EGFLAM: variants seen among roughly 807,000 people sequenced by gnomAD.
The protein encoded by EGFLAM is EGF like, fibronectin type III and laminin G domains.
In EGFLAM, 79 loss-of-function variants were observed where a neutral mutation model predicts 113.1. The ratio of observed to expected loss-of-function variants is 0.70; its 90% CI spans 0.58 to 0.84. The LOEUF is 0.84. EGFLAM is among the 40% of genes least tolerant of loss of function. The pLI is 0.00. For synonymous variants in EGFLAM, 504 were observed against 487.6 expected (o/e 1.03, Z -0.44); for missense variants, 1,265 against 1,291.6 (o/e 0.98, Z 0.32).
At chr5:38,327,617 A>AT (rs1184763420) in intron 1 of EGFLAM, among the ~76,000 whole-genome samples, 2 of 152,060 alleles carry the variant, frequency 1.3e-5, no homozygotes, top group East Asian at 3.9e-4. Flanking sequence ...TTTTTAATAG[A>AT]TTTTTTATTT....
chr5:38,433,038 G>A (rs924694116), intron 15 of EGFLAM, among the ~76,000 whole-genome samples: 1 of 152,220 alleles, frequency 6.6e-6, no homozygotes, highest in Non-Finnish European at 1.5e-5. Flanking sequence ...TGAGTCCACT[G>A]TGAACCAGGA....
intron 1 of EGFLAM, among the ~76,000 whole-genome samples, chr5:38,270,124 A>C (rs952315222): frequency 1.3e-5 from 2 of 152,244 alleles, no homozygotes; most frequent in East Asian, 3.9e-4. Flanking sequence ...GACAGCTTTC[A>C]GTCATGCTCC....
chr5:38,406,787 C>T, intron 7 of EGFLAM, 41 bp from the exon 8 acceptor site: 2 of 1,568,720 alleles, frequency 1.3e-6, no homozygotes, highest in African/African-American at 1.4e-5. Flanking sequence ...AATTGCCATG[C>T]TCTGTGTTCA....
chr5:38,325,892 TA>T (rs891962148), intron 1 of EGFLAM, among the ~76,000 whole-genome samples: 76 of 152,120 alleles, frequency 5.0e-4, no homozygotes, highest in African/African-American at 1.8e-3. Context: ...TATTTTCTTT[TA>T]AAAAAATACC....
chr5:38,431,603 G>A (rs918818828), intron 15 of EGFLAM, among the ~76,000 whole-genome samples: 1 of 152,138 alleles, frequency 6.6e-6, no homozygotes, highest in East Asian at 1.9e-4. Context: ...GCTACAGCAA[G>A]TAGTAGGTAA....
intron 18 of EGFLAM, among the ~76,000 whole-genome samples, chr5:38,450,406 C>T (rs2561806): frequency 0.03 from 4,643 of 152,292 alleles, 245 homozygotes; most frequent in African/African-American, 0.11. Context: ...GATAATAGTT[C>T]CCTCCACTGT....
In EGFLAM at chr5:38,381,367, A is replaced by G. The variant is rs545917714; in HGVS notation, c.712+10905A>G. 1.5e-4 allele frequency among the ~76,000 whole-genome samples: 23 copies of G among 152,192 alleles called. 1 individual carries two copies. Among genetic ancestry groups the G allele is most frequent in the Admixed American group, 1.0e-3 (16 of 15,286 alleles). On this transcript the variant is annotated intron_variant, in intron 6 of 21. Transcript: ENST00000322350. ...TGTGAAATCAGCTTAACACAGACACATAGGAGGGACGCGGTGCATGCTGGC... is the reference window on the plus strand; with the variant it reads ...TGTGAAATCAGCTTAACACAGACACGTAGGAGGGACGCGGTGCATGCTGGC...
intron 11 of EGFLAM, among the ~76,000 whole-genome samples, chr5:38,413,068 C>CTGGA (rs985112078): frequency 3.9e-5 from 6 of 152,088 alleles, no homozygotes; most frequent in Non-Finnish European, 7.4e-5. Flanking sequence ...GTCCCCCAGG[C>CTGGA]TGGAGTACAG....
intron 1 of EGFLAM, among the ~76,000 whole-genome samples, chr5:38,322,336 C>A (rs1039073557): frequency 1.3e-5 from 2 of 152,150 alleles, no homozygotes; most frequent in Non-Finnish European, 2.9e-5. Context: ...GTCATGAGTA[C>A]CCAAGGAGTG....
At chr5:38,434,456 T>C (rs1480031604) in intron 15 of EGFLAM, among the ~76,000 whole-genome samples, 1 of 152,374 alleles carries the variant, frequency 6.6e-6, no homozygotes, top group East Asian at 1.9e-4. Context: ...CTGGGGCATA[T>C]TGTAGTATGT....
chr5:38,435,290 C>A, intron 16 of EGFLAM, 37 bp downstream of exon 16: 1 of 1,441,294 alleles, frequency 6.9e-7, no homozygotes, highest in South Asian at 1.1e-5. Flanking sequence ...CTGGGCCACC[C>A]AGACTGTAGA....
chr5:38,265,801 A>G (rs572161259), intron 1 of EGFLAM, among the ~76,000 whole-genome samples: 1 of 152,346 alleles, frequency 6.6e-6, no homozygotes, highest in African/African-American at 2.4e-5. Context: ...TAATTCCTGC[A>G]CTAAGTGGAT....
intron 3 of EGFLAM, among the ~76,000 whole-genome samples, chr5:38,349,180 C>G (rs781442447): frequency 5.9e-5 from 9 of 152,186 alleles, no homozygotes; most frequent in Non-Finnish European, 1.2e-4. Context: ...TCCCTGCTTT[C>G]AAGTTGCTTA....
At chr5:38,396,965 T>A (rs527788465) in intron 6 of EGFLAM, among the ~76,000 whole-genome samples, 1 of 152,128 alleles carries the variant, frequency 6.6e-6, no homozygotes, top group South Asian at 2.1e-4. Context: ...GTGGCATGTG[T>A]TTGGTTGACT....
At chr5:38,267,550 T>C (rs1005607158) in intron 1 of EGFLAM, among the ~76,000 whole-genome samples, 1 of 152,154 alleles carries the variant, frequency 6.6e-6, no homozygotes, top group African/African-American at 2.4e-5. Context: ...CCTGTTATAT[T>C]GTCTGTAATT....
At position 38,462,713 on chromosome 5, in the gene EGFLAM, T is replaced by C. The variant is rs1369276620; in HGVS notation, c.2772-195T>C. The stretch of plus-strand genomic sequence containing the variant: ...TGTTGTCATTCACAGTTTGACTTTT[T>C]GTCTTCCTCAGTAGACCACAGGCTC... On this transcript the variant is annotated intron_variant, in intron 20 of 21. Transcript: ENST00000322350. 5 of 559,160 alleles carry C rather than the reference T, an allele frequency of 8.9e-6. No individual in the cohort carries two copies. The East Asian group carries it at 9.7e-5, about 11-fold the overall frequency. The allele number at this position is 559,160 out of a possible 1,614,324, so 34.6% of individuals were successfully genotyped here. A position where few individuals can be genotyped will look rare whatever the true frequency, so the allele number is the denominator to read the frequency against.
intron 1 of EGFLAM, among the ~76,000 whole-genome samples, chr5:38,323,643 C>G (rs921030049): frequency 6.6e-6 from 1 of 151,996 alleles, no homozygotes; most frequent in Non-Finnish European, 1.5e-5. Context: ...AAGTGGCCTA[C>G]TACTTAGATT....
At position 38,352,149 on chromosome 5, in the gene EGFLAM, G is replaced by A. The variant is rs199956725; in HGVS notation, c.410-47G>A. 1.1e-5 allele frequency: 18 copies of A among 1,611,650 alleles called. No homozygotes were observed. In the African/African-American group the frequency reaches 1.2e-4, roughly 11 times the overall value. On this transcript the variant is annotated intron_variant, in intron 4 of 21. Coordinates refer to ENST00000322350, the MANE Select transcript of EGFLAM (RefSeq NM_152403.4). ...GCCTAGCCCATTAAACCTCTCCAAC[G>A]GCTGAGACCACCAGCCTAGTCTAGT...
chr5:38,438,980 G>T (rs1467217536), intron 17 of EGFLAM, among the ~76,000 whole-genome samples: 1 of 152,196 alleles, frequency 6.6e-6, no homozygotes, highest in African/African-American at 2.4e-5. Context: ...CTATCAAATT[G>T]CTGTGCCTCA....
Sources: gnomAD v4.1 joint callset for allele counts (sites outside exome capture counted in the v4.1 genomes callset) on GRCh38, gnomAD v4.1.1 for gene constraint, MANE v1.5 for transcripts, NCBI Gene and HGNC (gene_info 2026-07-23, HGNC 2026-07-21) for gene names.